Variants in GOLM1 observed in about 807,000 individuals in gnomAD.
GOLM1 encodes golgi membrane protein 1, also known as epididymis luminal protein 46.
A neutral mutation model predicts 50.5 loss-of-function variants in GOLM1; 31 were observed. The ratio of observed to expected loss-of-function variants is 0.61; its 90% confidence interval spans 0.46 to 0.83. The LOEUF (loss-of-function observed/expected upper bound fraction) is 0.83, where lower values mean the gene tolerates loss of function less well. Ranked by LOEUF, GOLM1 falls within the 40% of genes least tolerant of loss-of-function variation. The probability of loss-of-function intolerance (pLI) is 0.00; values close to 1 mark genes in which losing one functional copy is unlikely to be tolerated. For missense variants in GOLM1, 491 were observed against 501.3 expected (o/e 0.98, Z 0.20); for synonymous variants, 178 against 192.8 (o/e 0.92, Z 0.64).
At chr9:86,058,583 C>T (rs1016758799) in intron 3 of GOLM1, among the ~76,000 whole-genome samples, 2 of 151,328 alleles carry the variant, frequency 1.3e-5, no homozygotes, top group Non-Finnish European at 2.9e-5. Context: ...GTAGTCCCAG[C>T]TACTTGGGAG....
At chr9:86,035,222 A>G (rs1833095796) in intron 8 of GOLM1, 146 bp downstream of exon 8, 8 of 1,515,560 alleles carry the variant, frequency 5.3e-6, no homozygotes, top group Non-Finnish European at 6.2e-6. Context: ...ACGAATAAGA[A>G]ACCTTCAAAC....
At chr9:86,048,874 G>A (rs1384668516) in intron 4 of GOLM1, among the ~76,000 whole-genome samples, 1 of 152,152 alleles carries the variant, frequency 6.6e-6, no homozygotes, top group African/African-American at 2.4e-5. Context: ...AAGCTCTTTA[G>A]TTTAATTAGA....
At chr9:86,046,713 G>A (rs1020031046) in intron 4 of GOLM1, 141 bp from the exon 5 acceptor site, 1 of 654,472 alleles carries the variant, frequency 1.5e-6, no homozygotes, top group Admixed American at 2.2e-5. Flanking sequence ...GAGAGAAAAA[G>A]CTGAAAACAC....
intron 1 of GOLM1, among the ~76,000 whole-genome samples, chr9:86,088,420 GTATATATATATATATATATA>G (rs71505775): frequency 0.093 from 8,029 of 86,330 alleles, 732 homozygotes; most frequent in East Asian, 0.48. Flanking sequence ...TTTGAAGGGT[GTATATATATATATATATATA>G]TATATATATA....
Position 86,046,522 on chromosome 9 carries a change from G to A in GOLM1, c.415C>T (p.Leu139Phe). The change falls in exon 5 of 10, where the codon CTC (leucine) becomes TTC (phenylalanine). Residue 139 changes from leucine (L) to phenylalanine (F), a missense_variant. Coordinates refer to ENST00000388712, the MANE Select transcript of GOLM1 (RefSeq NM_016548.4). ...TTGGTCTGGTTCTTCTGAAACTGGA[G>A]GACATCCTGCTGCAGCCTGCCGTAA... is the stretch of plus-strand genomic sequence containing the variant. ...RNYGRLQQDV[L>F]QFQKNQTNLE... 1 of 1,613,656 alleles carries A rather than the reference G, an allele frequency of 6.2e-7. No individual in the cohort carries two copies. The highest frequency in any genetic ancestry group is 8.5e-7 in the Non-Finnish European group (1 of 1,179,620).
At chr9:86,069,383 T>C (rs1192861824) in intron 3 of GOLM1, among the ~76,000 whole-genome samples, 2 of 152,206 alleles carry the variant, frequency 1.3e-5, no homozygotes, top group African/African-American at 4.8e-5. Context: ...CTCATGAACT[T>C]GCACAACTGC....
chr9:86,030,238 AAAAAG>A (rs1191192570), intron 9 of GOLM1, among the ~76,000 whole-genome samples: 4 of 151,644 alleles, frequency 2.6e-5, no homozygotes, highest in Admixed American at 1.3e-4. Context: ...AAAAAAAAAA[AAAAAG>A]AATAGAAGTA....
intron 3 of GOLM1, among the ~76,000 whole-genome samples, chr9:86,072,541 G>A (rs1401517831): frequency 6.6e-6 from 1 of 152,190 alleles, no homozygotes; most frequent in East Asian, 1.9e-4. Context: ...GAAAAAAGCA[G>A]TGATGAGTAA....
At chr9:86,070,557 C>T (rs1207037673) in intron 3 of GOLM1, among the ~76,000 whole-genome samples, 4 of 149,990 alleles carry the variant, frequency 2.7e-5, no homozygotes, top group Admixed American at 6.7e-5. Context: ...GGCGACAGAG[C>T]GAGACTCCAC....
At chr9:86,088,420 GTATA>G (rs71505775) in intron 1 of GOLM1, among the ~76,000 whole-genome samples, 34,077 of 85,684 alleles carry the variant, frequency 0.4, 7,759 homozygotes, top group Non-Finnish European at 0.5. Context: ...TTTGAAGGGT[GTATA>G]TATATATATA....
intron 4 of GOLM1, 38 bp from the exon 5 acceptor site, chr9:86,046,610 C>A (rs776654774): frequency 1.4e-5 from 18 of 1,305,480 alleles, no homozygotes; most frequent in Non-Finnish European, 2.0e-5. Flanking sequence ...AGGTCACCGG[C>A]ACAGCTGTCA....
At chr9:86,059,398 G>T (rs1022624844) in intron 3 of GOLM1, among the ~76,000 whole-genome samples, 1 of 152,186 alleles carries the variant, frequency 6.6e-6, no homozygotes, top group Non-Finnish European at 1.5e-5. Context: ...GCTACAACAC[G>T]GATGAGGCTT....
intron 3 of GOLM1, among the ~76,000 whole-genome samples, chr9:86,055,990 C>CAAAA (rs35982406): frequency 3.3e-5 from 5 of 151,354 alleles, no homozygotes; most frequent in African/African-American, 1.2e-4. Context: ...CAAAAACAAA[C>CAAAA]CAAAAACACT....
intron 1 of GOLM1, among the ~76,000 whole-genome samples, chr9:86,085,453 GTTT>G (rs11397922): frequency 4.3e-5 from 4 of 93,180 alleles, no homozygotes; most frequent in Non-Finnish European, 5.9e-5. Flanking sequence ...CAAAGTTTTT[GTTT>G]TTTTTTTTTT....
intron 1 of GOLM1, among the ~76,000 whole-genome samples, chr9:86,087,199 A>G (rs1835002485): frequency 6.6e-6 from 1 of 152,034 alleles, no homozygotes; most frequent in African/African-American, 2.4e-5. Context: ...TAGGTATTTT[A>G]TTCTCCTTGT....
chr9:86,047,618 A>G (rs779678129), intron 4 of GOLM1, among the ~76,000 whole-genome samples: 5 of 152,108 alleles, frequency 3.3e-5, no homozygotes, highest in Non-Finnish European at 7.4e-5. Flanking sequence ...GATCTGCGAG[A>G]CTATTTGTCA....
intron 1 of GOLM1, among the ~76,000 whole-genome samples, chr9:86,093,381 A>G (rs1372105339): frequency 6.6e-6 from 1 of 151,366 alleles, no homozygotes; most frequent in Non-Finnish European, 1.5e-5. Flanking sequence ...GCCTCAAAAA[A>G]AAAAAAAAAA....
At chr9:86,087,734 G>A (rs1835024393) in intron 1 of GOLM1, among the ~76,000 whole-genome samples, 1 of 152,122 alleles carries the variant, frequency 6.6e-6, no homozygotes, top group African/African-American at 2.4e-5. Flanking sequence ...TTTATGTGAT[G>A]GATTACGTCT....
At chr9:86,059,301 G>A (rs559575979) in intron 3 of GOLM1, among the ~76,000 whole-genome samples, 12 of 152,318 alleles carry the variant, frequency 7.9e-5, no homozygotes, top group African/African-American at 2.2e-4. Flanking sequence ...CCAAATGTCC[G>A]TCAACAGGCG....
Sources: allele counts gnomAD v4.1 joint callset (sites outside exome capture counted in the v4.1 genomes callset), GRCh38; gene constraint gnomAD v4.1.1; transcripts MANE v1.5; gene names NCBI Gene and HGNC (gene_info 2026-07-23, HGNC 2026-07-21).